Variants in PRRG1 observed in about 807,000 individuals in gnomAD.
The protein encoded by PRRG1 is proline rich and Gla domain 1, also known as transmembrane gamma-carboxyglutamic acid protein 1.
PRRG1 carries 5 observed loss-of-function variants against 11.8 expected under a neutral mutation model. The observed-to-expected ratio is 0.42, with a 90% CI of 0.22 to 0.89. PRRG1 has a LOEUF of 0.89. Ranked by LOEUF, PRRG1 falls within the 40% of genes least tolerant of loss-of-function variation. The probability of loss-of-function intolerance (pLI) is 0.28; values close to 1 mark genes in which losing one functional copy is unlikely to be tolerated. For synonymous variants in PRRG1, 66 were observed against 60.4 expected (o/e 1.09, Z -0.43); for missense variants, 155 against 166.1 (o/e 0.93, Z 0.37).
chrX:37,441,624 G>T (rs980510085), intron 3 of PRRG1: 8 of 797,952 alleles, frequency 1.0e-5, no homozygotes, highest in Non-Finnish European at 1.2e-5. Flanking sequence ...CTTCCTACGT[G>T]TACCTGTCCA....
intron 3 of PRRG1, among the ~76,000 whole-genome samples, chrX:37,432,621 A>G (rs1164466709): frequency 5.4e-5 from 6 of 112,073 alleles, no homozygotes; most frequent in Non-Finnish European, 9.4e-5. Context: ...CCAGAAAGAA[A>G]GAGAAAAAAG....
intron 1 of PRRG1, among the ~76,000 whole-genome samples, chrX:37,383,639 A>G (rs1430616787): frequency 9.0e-6 from 1 of 111,612 alleles, no homozygotes; most frequent in Non-Finnish European, 1.9e-5. Flanking sequence ...CAGTATGACA[A>G]TGTGAGAGTT....
intron 1 of PRRG1, among the ~76,000 whole-genome samples, chrX:37,381,809 C>T (rs1931162689): frequency 9.0e-6 from 1 of 111,036 alleles, no homozygotes; most frequent in South Asian, 3.7e-4. Flanking sequence ...TACATATTTC[C>T]TTTTTTATCA....
chrX:37,403,491 AG>A (rs1932091880), intron 1 of PRRG1, among the ~76,000 whole-genome samples: 1 of 31,198 alleles, frequency 3.2e-5, no homozygotes, highest in African/African-American at 1.4e-4. Context: ...GGGTGGGGGG[AG>A]GGGGGAGGGA....
intron 2 of PRRG1, among the ~76,000 whole-genome samples, chrX:37,409,419 G>A (rs1556383100): frequency 8.9e-6 from 1 of 112,008 alleles, no homozygotes; most frequent in African/African-American, 3.2e-5. Flanking sequence ...GTCAACTGTA[G>A]TTCTTGCTAA....
rs1209918620 is a variant in PRRG1 at position 37,454,279 on chromosome X, T to C, written c.*658T>C. ...TGGTGGCATTCGGCTTGTTTTGTAA[T>C]AGGGATTTTTTTTTTGGTTGACCAC... is the stretch of plus-strand genomic sequence containing the variant. On this transcript the variant is annotated 3_prime_UTR_variant, in exon 4 of 4. Transcript: ENST00000378628. The C allele has an allele frequency of 3.6e-5, 4 of 112,009 alleles. No individual in the cohort carries two copies. The highest frequency in any genetic ancestry group is 7.5e-5 in the Non-Finnish European group (4 of 53,171). 9.2% of individuals were successfully genotyped at this position (112,009 alleles called of 1,213,427 possible).
chrX:37,388,728 T>C (rs1931418967), intron 1 of PRRG1, among the ~76,000 whole-genome samples: 2 of 113,040 alleles, frequency 1.8e-5, no homozygotes, highest in South Asian at 7.3e-4. Flanking sequence ...ATCTCTGAAA[T>C]GCCTTTGAGG....
intron 1 of PRRG1, among the ~76,000 whole-genome samples, chrX:37,400,491 A>G (rs1931930140): frequency 9.0e-6 from 1 of 111,279 alleles, no homozygotes; most frequent in Non-Finnish European, 1.9e-5. Flanking sequence ...CAGTGTGTAG[A>G]GGGAAATTTA....
chrX:37,352,781 G>A (rs782376522), intron 1 of PRRG1, among the ~76,000 whole-genome samples: 1 of 111,426 alleles, frequency 9.0e-6, no homozygotes, highest in East Asian at 2.8e-4. Flanking sequence ...ATACTTACCT[G>A]ATAATTAAGA....
intron 2 of PRRG1, among the ~76,000 whole-genome samples, chrX:37,415,648 G>C (rs150431064): frequency 0.042 from 4,741 of 111,571 alleles, 260 homozygotes; most frequent in African/African-American, 0.15. Context: ...GTGAGGTCTA[G>C]GCTCCCCACA....
intron 3 of PRRG1, among the ~76,000 whole-genome samples, chrX:37,439,715 T>C (rs1556393008): frequency 2.7e-5 from 3 of 111,070 alleles, no homozygotes; most frequent in Non-Finnish European, 1.9e-5. Flanking sequence ...AGCTCAGATA[T>C]GATAGAAACA....
At position 37,426,205 on chromosome X, in the gene PRRG1, C is replaced by T. The variant is rs988999284; in HGVS notation, c.171+205C>T. ...TTGTGCTGGACTGTCTTTGAGAGCC[C>T]CGTTCCTATAGGACTCTGCTGAGCG... On this transcript the variant is annotated intron_variant, in intron 3 of 3. Transcript: ENST00000378628. 4.5e-4 allele frequency among the ~76,000 whole-genome samples: 50 copies of T among 111,258 alleles called. 1 individual carries two copies. The highest frequency in any genetic ancestry group is 1.5e-3 in the African/African-American group (45 of 30,623).
At chrX:37,387,882 C>T (rs1244098008) in intron 1 of PRRG1, among the ~76,000 whole-genome samples, 1 of 111,865 alleles carries the variant, frequency 8.9e-6, no homozygotes, top group African/African-American at 3.3e-5. Context: ...AGGCTAGCCC[C>T]TCCCACCAAT....
intron 1 of PRRG1, among the ~76,000 whole-genome samples, chrX:37,368,786 T>A (rs1366802224): frequency 1.8e-5 from 2 of 111,502 alleles, no homozygotes; most frequent in Admixed American, 9.5e-5. Context: ...TTCAGAATTC[T>A]ATTTTATTTT....
At position 37,402,302 on chromosome X, in the gene PRRG1, A is replaced by C. The variant is rs782314048; in HGVS notation, c.-41-3907A>C. Among the ~76,000 whole-genome samples, 8 of 111,609 alleles carry C rather than the reference A, an allele frequency of 7.2e-5. No individual in the cohort carries two copies. In the East Asian group the frequency reaches 1.4e-3, roughly 20 times the overall value. On this transcript the variant is annotated intron_variant, in intron 1 of 3. Coordinates refer to ENST00000378628, the MANE Select transcript of PRRG1 (RefSeq NM_001142395.2). ...CCAAAACAGACATATAGACCAATGG[A>C]ACAGAACAGAGCCCTCAGAAATAAT...
intron 3 of PRRG1, among the ~76,000 whole-genome samples, chrX:37,430,836 A>G (rs1932820499): frequency 1.8e-5 from 2 of 111,373 alleles, no homozygotes; most frequent in Admixed American, 1.9e-4. Context: ...CATCACTGCA[A>G]TCAAGTAGCA....
intron 1 of PRRG1, among the ~76,000 whole-genome samples, chrX:37,362,190 AAATAC>A (rs1216340905): frequency 8.9e-6 from 1 of 112,284 alleles, no homozygotes; most frequent in Non-Finnish European, 1.9e-5. Flanking sequence ...AGTATAAAAT[AAATAC>A]ATGTGCTCTT....
At chrX:37,408,443 C>T (rs1287612204) in intron 2 of PRRG1, among the ~76,000 whole-genome samples, 1 of 111,448 alleles carries the variant, frequency 9.0e-6, no homozygotes, top group Non-Finnish European at 1.9e-5. Flanking sequence ...CCCACCCTAG[C>T]GTTTTAATGT....
intron 1 of PRRG1, among the ~76,000 whole-genome samples, chrX:37,351,494 CAA>C (rs1302945653): frequency 7.9e-5 from 4 of 50,425 alleles, no homozygotes; most frequent in African/African-American, 1.2e-4. Context: ...GACTCCGTCT[CAA>C]AAAAAAAAAA....
Sources: gnomAD v4.1 joint callset for allele counts (sites outside exome capture counted in the v4.1 genomes callset) on GRCh38, gnomAD v4.1.1 for gene constraint, MANE v1.5 for transcripts, NCBI Gene and HGNC (gene_info 2026-07-23, HGNC 2026-07-21) for gene names.